RUNX2: variants seen among roughly 807,000 people sequenced by gnomAD.
RUNX2 encodes the protein RUNX family transcription factor 2.
In RUNX2, 10 loss-of-function variants were observed where a neutral mutation model predicts 51.7. The ratio of observed to expected loss-of-function variants is 0.19; its 90% CI spans 0.12 to 0.33. The LOEUF (loss-of-function observed/expected upper bound fraction) is 0.33. Among genes scored for constraint, RUNX2 ranks in the 10% least tolerant of loss-of-function variants. The pLI is 1.00. For missense variants in RUNX2, 562 were observed against 691.3 expected (o/e 0.81, Z 2.10); for synonymous variants, 276 against 273.6 (o/e 1.01, Z -0.09).
intron 5 of RUNX2, among the ~76,000 whole-genome samples, chr6:45,477,113 A>G (rs531017150): frequency 6.6e-6 from 1 of 152,294 alleles, no homozygotes; most frequent in South Asian, 2.1e-4. Context: ...GCAGCAGAAG[A>G]GCAGATTCAG....
At chr6:45,511,632 T>A (rs1454906061) in intron 6 of RUNX2, among the ~76,000 whole-genome samples, 1 of 152,204 alleles carries the variant, frequency 6.6e-6, no homozygotes, top group Non-Finnish European at 1.5e-5. Flanking sequence ...GTGCTGCCCC[T>A]CCATTCTCAT....
chr6:45,473,786 A>T (rs1179161443), intron 5 of RUNX2, among the ~76,000 whole-genome samples: 7 of 152,212 alleles, frequency 4.6e-5, no homozygotes, highest in Non-Finnish European at 8.8e-5. Context: ...AGATGTTATT[A>T]CAGGGCCACT....
At chr6:45,407,771 AT>A (rs1417640055) in intron 2 of RUNX2, among the ~76,000 whole-genome samples, 1 of 152,010 alleles carries the variant, frequency 6.6e-6, no homozygotes, top group Non-Finnish European at 1.5e-5. Flanking sequence ...AAATACTGGG[AT>A]TATAGGCATG....
At chr6:45,432,110 T>G in intron 4 of RUNX2, 91 bp downstream of exon 4, 1 of 1,215,904 alleles carries the variant, frequency 8.2e-7, no homozygotes, top group Admixed American at 2.0e-5. Context: ...AATCAGCACC[T>G]TCTTTTTCTG....
intron 6 of RUNX2, among the ~76,000 whole-genome samples, chr6:45,494,632 T>C (rs1800586434): frequency 1.3e-5 from 2 of 152,212 alleles, no homozygotes; most frequent in African/African-American, 4.8e-5. Flanking sequence ...TTTCTTTAAA[T>C]GTTCCCATAT....
intron 2 of RUNX2, among the ~76,000 whole-genome samples, chr6:45,385,258 C>G (rs1797325450): frequency 6.6e-6 from 1 of 152,124 alleles, no homozygotes; most frequent in Non-Finnish European, 1.5e-5. Flanking sequence ...GGGTTTTAAC[C>G]TCTCGGTTAG....
At chr6:45,357,179 T>C (rs1022042646) in intron 2 of RUNX2, among the ~76,000 whole-genome samples, 2 of 152,024 alleles carry the variant, frequency 1.3e-5, no homozygotes, top group African/African-American at 4.8e-5. Flanking sequence ...GCTAATTTTT[T>C]TGTATTTTTA....
intron 2 of RUNX2, among the ~76,000 whole-genome samples, chr6:45,359,008 A>C (rs1793752664): frequency 6.6e-6 from 1 of 152,136 alleles, no homozygotes; most frequent in East Asian, 1.9e-4. Flanking sequence ...TTCATCACAG[A>C]ATTACTCAAA....
At chr6:45,479,510 G>A (rs192316198) in intron 5 of RUNX2, among the ~76,000 whole-genome samples, 99 of 152,204 alleles carry the variant, frequency 6.5e-4, no homozygotes, top group East Asian at 1.9e-4. Context: ...TAGTAGTAAC[G>A]CTGTTCCTCT....
At chr6:45,346,890 A>C (rs1239695163) in intron 2 of RUNX2, among the ~76,000 whole-genome samples, 1 of 152,144 alleles carries the variant, frequency 6.6e-6, no homozygotes, top group Admixed American at 6.6e-5. Flanking sequence ...TAAATGAATT[A>C]ATGAAACATT....
At chr6:45,341,264 T>C (rs1249419383) in intron 2 of RUNX2, among the ~76,000 whole-genome samples, 2 of 152,164 alleles carry the variant, frequency 1.3e-5, no homozygotes, top group East Asian at 3.8e-4. Context: ...GTCTATATGG[T>C]TTTGAGAAAA....
At chr6:45,362,909 A>C (rs1397374562) in intron 2 of RUNX2, among the ~76,000 whole-genome samples, 27 of 152,140 alleles carry the variant, frequency 1.8e-4, no homozygotes, top group Non-Finnish European at 8.8e-5. Context: ...TATAAATAAC[A>C]AAAGAATATA....
intron 2 of RUNX2, among the ~76,000 whole-genome samples, chr6:45,403,222 T>C (rs1797755158): frequency 6.7e-6 from 1 of 149,402 alleles, no homozygotes; most frequent in Non-Finnish European, 1.5e-5. Context: ...CTTAATTGTT[T>C]GAGTTTCTTT....
At chr6:45,492,994 C>T (rs1051287191) in intron 6 of RUNX2, among the ~76,000 whole-genome samples, 12 of 152,146 alleles carry the variant, frequency 7.9e-5, no homozygotes, top group African/African-American at 2.4e-4. Flanking sequence ...AATAAGCCCT[C>T]AACATGGATC....
intron 2 of RUNX2, among the ~76,000 whole-genome samples, chr6:45,343,887 G>C (rs1282201358): frequency 1.3e-5 from 2 of 152,056 alleles, no homozygotes; most frequent in Non-Finnish European, 2.9e-5. Context: ...TAGAATCTTA[G>C]CCATCAAAGA....
intron 5 of RUNX2, among the ~76,000 whole-genome samples, chr6:45,475,264 A>G (rs1194923458): frequency 6.6e-6 from 1 of 152,194 alleles, no homozygotes; most frequent in African/African-American, 2.4e-5. Context: ...GGAAGTTCAG[A>G]AACATTTTTA....
At chr6:45,491,622 G>GTTTTTTT (rs34040641) in intron 5 of RUNX2, among the ~76,000 whole-genome samples, 24 of 93,486 alleles carry the variant, frequency 2.6e-4, no homozygotes, top group African/African-American at 4.0e-4. Context: ...TCTCCTGTTT[G>GTTTTTTT]TTTTTTTTTT....
intron 2 of RUNX2, among the ~76,000 whole-genome samples, chr6:45,410,681 C>T (rs1238198788): frequency 6.6e-6 from 1 of 152,044 alleles, no homozygotes; most frequent in African/African-American, 2.4e-5. Flanking sequence ...GGACATAGTT[C>T]CTACGGTTAA....
At chr6:45,375,907 A>G (rs767559126) in intron 2 of RUNX2, among the ~76,000 whole-genome samples, 1 of 152,148 alleles carries the variant, frequency 6.6e-6, no homozygotes, top group Non-Finnish European at 1.5e-5. Flanking sequence ...TATCTCTCCA[A>G]AAGATTTGGA....
Sources: gnomAD v4.1 joint callset for allele counts (sites outside exome capture counted in the v4.1 genomes callset) on GRCh38, gnomAD v4.1.1 for gene constraint, MANE v1.5 for transcripts, NCBI Gene and HGNC (gene_info 2026-07-23, HGNC 2026-07-21) for gene names.